SLC28A1: variants seen among roughly 807,000 people sequenced by gnomAD.
SLC28A1 encodes sodium/nucleoside cotransporter 1.
A neutral mutation model predicts 74.8 loss-of-function variants in SLC28A1; 64 were observed. That is an observed-to-expected ratio of 0.86 (90% CI 0.70 to 1.05). SLC28A1 has a LOEUF of 1.05. Among genes scored for constraint, SLC28A1 ranks in the 50% least tolerant of loss-of-function variants. The pLI, the probability that SLC28A1 is intolerant of heterozygous loss-of-function variation, is 0.00. For missense variants in SLC28A1, 828 were observed against 822.8 expected (o/e 1.01, Z -0.08); for synonymous variants, 359 against 335.0 (o/e 1.07, Z -0.78).
rs1179555110 is a variant in SLC28A1, at chr15:84,886,866, T to C, written c.-17+79T>C. The C allele has an allele frequency of 7.9e-6, 6 of 754,904 alleles. No homozygotes were observed. The East Asian group carries it at 7.7e-4, about 97-fold the overall frequency. The allele number at this position is 754,904 out of a possible 1,614,324, so 46.8% of individuals were successfully genotyped here. A position where few individuals can be genotyped will look rare whatever the true frequency, so the allele number is the denominator to read the frequency against. ...AGCCAGGGCATTCCCAGGCTCTGCC[T>C]GTGTGTGTGCACGCACATGCACGGG... On this transcript the variant is annotated intron_variant, in intron 2 of 18. Coordinates refer to ENST00000394573, the MANE Select transcript of SLC28A1 (RefSeq NM_004213.5).
intron 5 of SLC28A1, among the ~76,000 whole-genome samples, chr15:84,892,106 G>C (rs558393794): frequency 1.3e-5 from 2 of 152,078 alleles, no homozygotes; most frequent in African/African-American, 4.8e-5. Context: ...GGAGGATGTA[G>C]TGGGAGGCTG....
the SLC28A1 span, among the ~76,000 whole-genome samples, chr15:84,958,570 T>C: frequency 6.6e-6 from 1 of 152,128 alleles, no homozygotes; most frequent in Non-Finnish European, 1.5e-5. Flanking sequence ...GTTTGTTTGT[T>C]TGAGGCAGGG....
At chr15:84,931,785 C>G (rs141843497) in intron 12 of SLC28A1, among the ~76,000 whole-genome samples, 1 of 151,628 alleles carries the variant, frequency 6.6e-6, no homozygotes, top group Admixed American at 6.6e-5. Context: ...GGGCAGATCA[C>G]GAGGTCAGGA....
rs527998595 is a variant in SLC28A1 at position 84,912,784 on chromosome 15, C to T, written c.795+3989C>T. On this transcript the variant is annotated intron_variant, in intron 9 of 18. Transcript: ENST00000394573. ...AGACTCTGCAGTCCCCAGTGGTCAA[C>T]AGTGCCAAATTTTGCGCGCGCGCAC... 4.9e-4 allele frequency among the ~76,000 whole-genome samples: 70 copies of T among 143,552 alleles called. 1 individual carries two copies. Among genetic ancestry groups the T allele is most frequent in the African/African-American group, 1.9e-3 (69 of 35,866 alleles). The allele number at this position is 143,552 out of a possible 152,430, so 94.2% of individuals were successfully genotyped here. A position where few individuals can be genotyped will look rare whatever the true frequency, so the allele number is the denominator to read the frequency against.
chr15:84,910,930 C>G (rs2141839322), intron 9 of SLC28A1, among the ~76,000 whole-genome samples: 1 of 152,254 alleles, frequency 6.6e-6, no homozygotes, highest in Middle Eastern at 3.4e-3. Context: ...GAGATTTGGA[C>G]AGACTGAGCT....
chr15:84,928,131 A>G (rs2141964631), intron 12 of SLC28A1, among the ~76,000 whole-genome samples: 2 of 152,310 alleles, frequency 1.3e-5, no homozygotes, highest in Middle Eastern at 6.8e-3. Flanking sequence ...AGCCCTGGGC[A>G]GTCTGGCTTC....
chr15:84,895,395 G>T (rs751074611), intron 6 of SLC28A1: 14 of 1,613,928 alleles, frequency 8.7e-6, no homozygotes, highest in Non-Finnish European at 9.3e-6. Flanking sequence ...AGGCCATGGA[G>T]CAAGGAGGGC....
At chr15:84,928,518 G>T (rs1046871688) in intron 12 of SLC28A1, among the ~76,000 whole-genome samples, 1 of 34,064 alleles carries the variant, frequency 2.9e-5, no homozygotes, top group East Asian at 1.0e-3. Flanking sequence ...CAAGCTCCCA[G>T]GTTCGTTCGT....
the SLC28A1 span, among the ~76,000 whole-genome samples, chr15:84,965,097 A>T: frequency 7.2e-5 from 11 of 152,190 alleles, no homozygotes; most frequent in African/African-American, 2.6e-4. Context: ...CATGGGAGGG[A>T]CCTGGTGGAA....
At chr15:84,941,678 G>GTT (rs1395118496) in intron 15 of SLC28A1, among the ~76,000 whole-genome samples, 3 of 152,248 alleles carry the variant, frequency 2.0e-5, no homozygotes, top group East Asian at 3.9e-4. Flanking sequence ...GATGCCCGGA[G>GTT]TTTGAGACCA....
rs543891716 is a variant in SLC28A1, at chr15:84,899,416, A to C, written c.461+4293A>C. ...ATGACAATTGGACACCCAAAGATTA[A>C]AGAAATTTCATGAACCCCCAGCACA... On this transcript the variant is annotated intron_variant, in intron 6 of 18. Transcript: ENST00000394573. 3.3e-5 allele frequency among the ~76,000 whole-genome samples: 5 copies of C among 152,332 alleles called. No homozygotes were observed. In the South Asian group the frequency reaches 8.3e-4, roughly 25 times the overall value.
At chr15:84,913,065 A>G (rs1968580096) in intron 9 of SLC28A1, among the ~76,000 whole-genome samples, 1 of 152,196 alleles carries the variant, frequency 6.6e-6, no homozygotes, top group Admixed American at 6.5e-5. Context: ...TGCTGAGGCC[A>G]TTCTGGGCAA....
At chr15:84,926,043 A>G (rs909286591) in intron 12 of SLC28A1, among the ~76,000 whole-genome samples, 31 of 146,552 alleles carry the variant, frequency 2.1e-4, no homozygotes, top group Non-Finnish European at 3.8e-4. Flanking sequence ...TATATATAAT[A>G]TTTTGTTTTT....
At chr15:84,912,704 C>G (rs1223934588) in intron 9 of SLC28A1, among the ~76,000 whole-genome samples, 1 of 151,922 alleles carries the variant, frequency 6.6e-6, no homozygotes, top group Admixed American at 6.6e-5. Flanking sequence ...CTGGAGGAAC[C>G]CCTAGGGTCA....
At chr15:84,889,817 T>C (rs562362720) in intron 4 of SLC28A1, among the ~76,000 whole-genome samples, 52 of 151,120 alleles carry the variant, frequency 3.4e-4, no homozygotes, top group Non-Finnish European at 6.8e-4. Context: ...TTCTTTCTCT[T>C]TCTTTCTTGC....
intron 9 of SLC28A1, among the ~76,000 whole-genome samples, chr15:84,911,392 C>A (rs540386860): frequency 6.6e-6 from 1 of 152,218 alleles, no homozygotes; most frequent in Non-Finnish European, 1.5e-5. Context: ...CAGACAGGAG[C>A]AGTGTGTTGG....
At chr15:84,901,584 C>G (rs1288955301) in intron 6 of SLC28A1, among the ~76,000 whole-genome samples, 1 of 151,842 alleles carries the variant, frequency 6.6e-6, no homozygotes, top group African/African-American at 2.4e-5. Context: ...AAAGAAGATG[C>G]CTAAGTGGCA....
intron 6 of SLC28A1, among the ~76,000 whole-genome samples, chr15:84,901,777 T>G (rs1966715481): frequency 6.6e-6 from 1 of 152,234 alleles, no homozygotes; most frequent in South Asian, 2.1e-4. Flanking sequence ...AATATAAAAT[T>G]GCACAATTGC....
intron 8 of SLC28A1, among the ~76,000 whole-genome samples, chr15:84,906,499 G>GGTTT (rs141096497): frequency 3.4e-5 from 4 of 117,122 alleles, no homozygotes; most frequent in African/African-American, 1.2e-4. Flanking sequence ...ATTAAAACAT[G>GGTTT]GTTTGTTTGT....
Sources: gnomAD v4.1 joint callset for allele counts (sites outside exome capture counted in the v4.1 genomes callset) on GRCh38, gnomAD v4.1.1 for gene constraint, MANE v1.5 for transcripts, NCBI Gene and HGNC (gene_info 2026-07-23, HGNC 2026-07-21) for gene names.